RAB38: variants seen among roughly 807,000 people sequenced by gnomAD.
RAB38 encodes RAB38, member RAS oncogene family.
A neutral mutation model predicts 18.4 loss-of-function variants in RAB38; 15 were observed. That is an observed-to-expected ratio of 0.82 (90% CI 0.55 to 1.26). The LOEUF is 1.26. RAB38 is among the 50% of genes most tolerant of loss of function. The probability of loss-of-function intolerance (pLI) is 0.00; values close to 1 mark genes in which losing one functional copy is unlikely to be tolerated. For synonymous variants in RAB38, 101 were observed against 104.4 expected, an observed-to-expected ratio of 0.97 and a Z score of 0.20; for missense variants, 294 against 267.4, an observed-to-expected ratio of 1.10 and a Z score of -0.69.
the RAB38 span, among the ~76,000 whole-genome samples, chr11:88,081,060 C>T: frequency 6.6e-6 from 1 of 151,616 alleles, no homozygotes; most frequent in Non-Finnish European, 1.5e-5. Context: ...CATAATTAAT[C>T]ATTAGAAAAA....
chr11:87,940,179 AAG>A, the RAB38 span, among the ~76,000 whole-genome samples: 1 of 151,042 alleles, frequency 6.6e-6, no homozygotes, highest in African/African-American at 2.4e-5. Context: ...AAAAAAAAAA[AAG>A]AGAGAGAGAG....
the RAB38 span, among the ~76,000 whole-genome samples, chr11:88,022,903 G>GA: frequency 6.6e-6 from 1 of 152,096 alleles, no homozygotes; most frequent in Non-Finnish European, 1.5e-5. Context: ...GGGGGGAACA[G>GA]AAAAACAAAT....
At chr11:88,163,651 T>C (rs1943213489) in intron 1 of RAB38, among the ~76,000 whole-genome samples, 2 of 152,172 alleles carry the variant, frequency 1.3e-5, no homozygotes, top group Middle Eastern at 3.2e-3. Context: ...AAGGTAAATA[T>C]TGACTTTATT....
chr11:87,858,924 T>A, the RAB38 span, among the ~76,000 whole-genome samples: 7 of 141,490 alleles, frequency 4.9e-5, no homozygotes, highest in East Asian at 2.0e-4. Context: ...TCCACCTGAG[T>A]CCAAAAAACA....
chr11:88,117,479 A>C (rs1006874607), intron 2 of RAB38, among the ~76,000 whole-genome samples: 1 of 152,226 alleles, frequency 6.6e-6, no homozygotes, highest in Non-Finnish European at 1.5e-5. Flanking sequence ...TTAGCACTTT[A>C]ACAGCTGACC....
the RAB38 span, among the ~76,000 whole-genome samples, chr11:88,017,504 G>C: frequency 6.6e-6 from 1 of 151,214 alleles, no homozygotes; most frequent in African/African-American, 2.4e-5. Flanking sequence ...GGGTCTCAAG[G>C]ACATCTGTCT....
chr11:88,086,882 A>G, the RAB38 span, among the ~76,000 whole-genome samples: 2 of 151,918 alleles, frequency 1.3e-5, no homozygotes, highest in African/African-American at 2.4e-5. Flanking sequence ...GCCAGTATCT[A>G]CAAAATAATA....
intron 1 of RAB38, chr11:88,166,981 C>T (rs527896186): frequency 6.6e-6 from 1 of 152,248 alleles, no homozygotes; most frequent in African/African-American, 2.4e-5. Context: ...ACTTGAGTTC[C>T]TACCACATGT....
chr11:87,961,718 A>C, the RAB38 span, among the ~76,000 whole-genome samples: 16 of 152,196 alleles, frequency 1.1e-4, no homozygotes, highest in Non-Finnish European at 2.4e-4. Context: ...TAGCAGGGAC[A>C]TCACGCCATG....
At chr11:87,934,053 C>G in the RAB38 span, among the ~76,000 whole-genome samples, 29 of 152,220 alleles carry the variant, frequency 1.9e-4, no homozygotes, top group East Asian at 5.4e-3. Context: ...CTTTCTTACA[C>G]AGCCAATAAC....
At chr11:88,059,487 C>A in the RAB38 span, among the ~76,000 whole-genome samples, 1 of 152,324 alleles carries the variant, frequency 6.6e-6, no homozygotes, top group Non-Finnish European at 1.5e-5. Context: ...TCTAAATGAT[C>A]ATGAATCATG....
chr11:88,050,746 C>A, the RAB38 span, among the ~76,000 whole-genome samples: 2 of 152,158 alleles, frequency 1.3e-5, no homozygotes, highest in Non-Finnish European at 2.9e-5. Context: ...GAAATAACCA[C>A]CCTCTACTCT....
At chr11:88,059,795 C>A in the RAB38 span, among the ~76,000 whole-genome samples, 1 of 152,202 alleles carries the variant, frequency 6.6e-6, no homozygotes, top group East Asian at 1.9e-4. Flanking sequence ...ACATTGGAGC[C>A]TTCTAAGACC....
chr11:88,047,106 C>G, the RAB38 span, among the ~76,000 whole-genome samples: 3 of 152,218 alleles, frequency 2.0e-5, no homozygotes, highest in African/African-American at 7.2e-5. Flanking sequence ...AACTTACTCT[C>G]TACAGTTCTC....
chr11:88,026,346 G>T, the RAB38 span, among the ~76,000 whole-genome samples: 1 of 151,214 alleles, frequency 6.6e-6, no homozygotes, highest in South Asian at 2.1e-4. Context: ...GGCGGATCAC[G>T]AGGTCAGGAG....
chr11:88,115,331 C>T (rs1243984369), intron 2 of RAB38: 1 of 152,040 alleles, frequency 6.6e-6, no homozygotes, highest in Non-Finnish European at 1.5e-5. Flanking sequence ...AATACTTATC[C>T]CTGATTTTTG....
chr11:88,008,696 T>C, the RAB38 span, among the ~76,000 whole-genome samples: 8 of 151,894 alleles, frequency 5.3e-5, no homozygotes, highest in Non-Finnish European at 8.8e-5. Context: ...TCTTTTGAGA[T>C]GGAGTCTCGC....
At chr11:87,906,667 C>T in the RAB38 span, among the ~76,000 whole-genome samples, 2 of 151,898 alleles carry the variant, frequency 1.3e-5, no homozygotes, top group African/African-American at 4.8e-5. Context: ...CTGCCTATCA[C>T]CTCAGAACTA....
chr11:88,175,125 A>T lies in RAB38; in HGVS notation c.202+58T>A, dbSNP rs1340130545. The T allele has an allele frequency of 2.7e-6, 4 of 1,483,846 alleles. No individual in the cohort carries two copies. In the African/African-American group the frequency reaches 5.6e-5, roughly 21 times the overall value. 91.9% of individuals were successfully genotyped at this position (1,483,846 alleles called of 1,614,324 possible). A position where few individuals can be genotyped will look rare whatever the true frequency, so the allele number is the denominator to read the frequency against. On this transcript the variant is annotated intron_variant, in intron 1 of 2. Coordinates refer to ENST00000243662, the MANE Select transcript of RAB38 (RefSeq NM_022337.3). The stretch of plus-strand genomic sequence containing the variant: ...CGCTTGGCCGCAAGCCGCTGCCTCG[A>T]GACTGGAAACCGGCCGCGAGGCGCT...
Sources: gnomAD v4.1 joint callset for allele counts (sites outside exome capture counted in the v4.1 genomes callset) on GRCh38, gnomAD v4.1.1 for gene constraint, MANE v1.5 for transcripts, NCBI Gene and HGNC (gene_info 2026-07-23, HGNC 2026-07-21) for gene names.